Variants in RLF observed in about 807,000 individuals in gnomAD.
RLF encodes RLF zinc finger.
In RLF, 7 loss-of-function variants were observed where a neutral mutation model predicts 162.9. The ratio of observed to expected loss-of-function variants is 0.04; its 90% confidence interval spans 0.02 to 0.08. The LOEUF (loss-of-function observed/expected upper bound fraction) is 0.08. Ranked by LOEUF, RLF falls within the 10% of genes least tolerant of loss-of-function variation. The probability of loss-of-function intolerance (pLI) is 1.00; values close to 1 mark genes in which losing one functional copy is unlikely to be tolerated. For missense variants in RLF, 1,664 were observed against 2,244.7 expected (o/e 0.74, Z 5.23); for synonymous variants, 782 against 791.5 (o/e 0.99, Z 0.20).
Position 40,238,523 on chromosome 1 carries a change from C to T in RLF, c.3821C>T (p.Pro1274Leu). Residue 1274 changes from proline to leucine, a missense_variant, in exon 8 of 8, where the codon CCA (proline) becomes CTA (leucine). Pro to Leu is a moderately conservative substitution (Grantham distance 98). Around this residue, in one of 15 missense-constraint regions of RLF, gnomAD observed 102 missense variants for 109.5 expected, o/e 0.93. Coordinates refer to ENST00000372771, the MANE Select transcript of RLF (RefSeq NM_012421.4). This position sits in a 1 kb window ranked among gnomAD's most constrained non-coding sequence, Gnocchi z 5.2. The part of the protein sequence containing the change: ...TESKTSDISS[P>L]IGSHREEQEG... ...AGTAAAACATCTGACATTTCATCAC[C>T]AATAGGCAGCCATAGAGAAGAACAA... 1.2e-6 allele frequency: 2 copies of T among 1,613,774 alleles called. No homozygotes were observed. The highest frequency in any genetic ancestry group is 2.2e-5 in the South Asian group (2 of 91,076).
At chr1:40,170,676 C>T (rs1266970786) in intron 1 of RLF, among the ~76,000 whole-genome samples, 1 of 151,978 alleles carries the variant, frequency 6.6e-6, no homozygotes, top group Admixed American at 6.6e-5. Flanking sequence ...CTGACTCTGA[C>T]TGAGCTTTTT....
intron 5 of RLF, among the ~76,000 whole-genome samples, chr1:40,215,767 A>G (rs1477771742): frequency 6.6e-6 from 1 of 152,088 alleles, no homozygotes; most frequent in African/African-American, 2.4e-5. Flanking sequence ...TTTGAGATGA[A>G]TGATGAAACA....
At chr1:40,184,647 A>G (rs1444127296) in intron 1 of RLF, among the ~76,000 whole-genome samples, 1 of 152,180 alleles carries the variant, frequency 6.6e-6, no homozygotes, top group Non-Finnish European at 1.5e-5. Flanking sequence ...TTTGAGGGTA[A>G]TCTGCTTGGG....
chr1:40,181,233 C>T (rs1187396606), intron 1 of RLF, among the ~76,000 whole-genome samples: 1 of 152,044 alleles, frequency 6.6e-6, no homozygotes, highest in Non-Finnish European at 1.5e-5. Flanking sequence ...AGTTTGAGAC[C>T]AGCCTGGCCA....
intron 5 of RLF, among the ~76,000 whole-genome samples, chr1:40,209,895 G>A (rs993133341): frequency 6.7e-6 from 1 of 150,348 alleles, no homozygotes; most frequent in Admixed American, 6.6e-5. Flanking sequence ...AAAAAAAAAG[G>A]CGATCATAAG....
rs1049018348 is a variant in RLF, at chr1:40,225,879, A to C, written c.947+3169A>C. Among the ~76,000 whole-genome samples the C allele has an allele frequency of 4.4e-3, 465 of 105,012 alleles. 1 individual carries two copies. Among genetic ancestry groups the C allele is most frequent in the African/African-American group, 0.016 (403 of 24,596 alleles). 68.9% of individuals were successfully genotyped at this position (105,012 alleles called of 152,430 possible). A position where few individuals can be genotyped will look rare whatever the true frequency, so the allele number is the denominator to read the frequency against. On this transcript the variant is annotated intron_variant, in intron 6 of 7. Transcript: ENST00000372771. ...GGGTGACAGAGCGAGACTCCGTCGC[A>C]AAAAAAAAAAAAAAAAAAAAAAAAA... is the stretch of plus-strand genomic sequence containing the variant.
In RLF at chr1:40,236,557, T is replaced by C. The variant is rs752579325; in HGVS notation, c.1855T>C (p.Leu619=). 3 of 1,613,882 alleles carry C rather than the reference T, an allele frequency of 1.9e-6. No individual in the cohort carries two copies. The African/African-American group carries it at 4.0e-5, about 22-fold the overall frequency. The change falls in exon 8 of 8, where the codon TTA becomes CTA. Residue 619 remains leucine, a synonymous_variant. Transcript: ENST00000372771. The surrounding 1 kb of genome is among the most constrained non-coding windows in gnomAD (Gnocchi z 7.7). ...PSRRDRSKKK[L]LLKGSQKGIC... ...CAGAAGGGACCGCTCTAAAAAGAAATTACTGTTAAAAGGCTCTCAAAAGGG... is the reference window on the plus strand; with the variant it reads ...CAGAAGGGACCGCTCTAAAAAGAAACTACTGTTAAAAGGCTCTCAAAAGGG...
chr1:40,234,895 A>G (rs1006289623), intron 7 of RLF, among the ~76,000 whole-genome samples: 2 of 152,186 alleles, frequency 1.3e-5, no homozygotes, highest in Non-Finnish European at 2.9e-5. Flanking sequence ...ACCTGCTGCC[A>G]TAGCAAGATT....
intron 1 of RLF, among the ~76,000 whole-genome samples, chr1:40,186,974 T>G (rs1642489886): frequency 6.6e-6 from 1 of 152,132 alleles, no homozygotes; most frequent in Non-Finnish European, 1.5e-5. Context: ...GTAAGTAACT[T>G]ACTGACCTAA....
In RLF at chr1:40,202,567, A is replaced by G. The variant is rs148023895; in HGVS notation, c.763A>G (p.Ile255Val). The change falls in exon 5 of 8, where the codon ATC (isoleucine) becomes GTC (valine). Residue 255 changes from isoleucine (I) to valine (V), a missense_variant. Ile to Val is a conservative substitution (Grantham distance 29). Around this residue, in one of 15 missense-constraint regions of RLF, gnomAD observed 287 missense variants for 404.9 expected, o/e 0.71. Coordinates refer to ENST00000372771, the MANE Select transcript of RLF (RefSeq NM_012421.4). Reference protein sequence around the residue: ...SNVSSFQQAYITCLCSMLPNE... With the variant: ...SNVSSFQQAYVTCLCSMLPNE... ...TGTGTCATCTTTTCAGCAAGCCTATATCACATGTTTATGTTCTATGCTCCC... is the reference window on the plus strand; with the variant it reads ...TGTGTCATCTTTTCAGCAAGCCTATGTCACATGTTTATGTTCTATGCTCCC... 7.4e-4 allele frequency: 1,155 copies of G among 1,562,756 alleles called. 1 individual carries two copies. The highest frequency in any genetic ancestry group is 8.1e-4 in the Non-Finnish European group (942 of 1,165,150).
At chr1:40,164,839 G>A (rs1426184197) in intron 1 of RLF, among the ~76,000 whole-genome samples, 1 of 152,050 alleles carries the variant, frequency 6.6e-6, no homozygotes, top group African/African-American at 2.4e-5. Context: ...GTTTATATGA[G>A]ACACTTTTAG....
chr1:40,180,407 C>T (rs1001726378), intron 1 of RLF, among the ~76,000 whole-genome samples: 5 of 152,116 alleles, frequency 3.3e-5, no homozygotes, highest in Middle Eastern at 3.4e-3. Flanking sequence ...TATAGGCGCC[C>T]GCCACCACGC....
chr1:40,228,581 C>CAA (rs202055225), intron 6 of RLF, among the ~76,000 whole-genome samples: 18 of 135,562 alleles, frequency 1.3e-4, no homozygotes, highest in African/African-American at 1.9e-4. Flanking sequence ...GACTCCATCT[C>CAA]AAAAAAAAAA....
chr1:40,187,910 G>A (rs1267446724), intron 1 of RLF, among the ~76,000 whole-genome samples: 2 of 152,038 alleles, frequency 1.3e-5, no homozygotes, highest in Non-Finnish European at 2.9e-5. Context: ...ATTATTCTAG[G>A]GTAATGAATT....
Position 40,238,766 on chromosome 1 carries a change from T to A in RLF, c.4064T>A (p.Leu1355His). Residue 1355 changes from leucine (L) to histidine (H), a missense_variant, in exon 8 of 8, where the codon CTT (leucine) becomes CAT (histidine). Leu to His is a moderately conservative substitution (Grantham distance 99, BLOSUM62 -3). This residue lies in a region of RLF where 200 missense variants were observed against 207.3 expected (regional missense o/e 0.96). Transcript: ENST00000372771. The surrounding 1 kb of genome is among the most constrained non-coding windows in gnomAD (Gnocchi z 5.2). Reference sequence around the variant, plus strand: ...GACAAAGCAAGAACCAAAAGGGAACTTGTCAAATGTAAAAAGATATTTGCT... The same window carrying A: ...GACAAAGCAAGAACCAAAAGGGAACATGTCAAATGTAAAAAGATATTTGCT... The part of the protein sequence containing the change: ...EKDKARTKRE[L>H]VKCKKIFACK... 1 of 1,613,190 alleles carries A rather than the reference T, an allele frequency of 6.2e-7. No individual in the cohort carries two copies. Among genetic ancestry groups the A allele is most frequent in the Non-Finnish European group, 8.5e-7 (1 of 1,179,652 alleles).
At position 40,191,612 on chromosome 1, in the gene RLF, G is replaced by A. The variant is rs145104752; in HGVS notation, c.474+759G>A. On this transcript the variant is annotated intron_variant, in intron 3 of 7. Coordinates refer to ENST00000372771, the MANE Select transcript of RLF (RefSeq NM_012421.4). Reference sequence around the variant, plus strand: ...CATACCTATAGTCCCAGCTACTCAGGAGGCTGAGGCAAGAGAATCTCTTAA... The same window carrying A: ...CATACCTATAGTCCCAGCTACTCAGAAGGCTGAGGCAAGAGAATCTCTTAA... Among the ~76,000 whole-genome samples, 562 of 152,126 alleles carry A rather than the reference G, an allele frequency of 3.7e-3. 2 individuals carry two copies. Among genetic ancestry groups the A allele is most frequent in the Admixed American group, 7.4e-3 (113 of 15,278 alleles).
intron 7 of RLF, among the ~76,000 whole-genome samples, 182 bp downstream of exon 7, chr1:40,231,840 T>C (rs921771997): frequency 6.6e-6 from 1 of 152,168 alleles, no homozygotes; most frequent in African/African-American, 2.4e-5. Context: ...CAGAAACAAA[T>C]TGATGGTCAA....
intron 1 of RLF, among the ~76,000 whole-genome samples, chr1:40,186,021 G>A (rs1349390393): frequency 6.6e-6 from 1 of 152,016 alleles, no homozygotes; most frequent in South Asian, 2.1e-4. Flanking sequence ...ACCGAGCCTG[G>A]TGGCGCACAG....
At chr1:40,204,346 C>T (rs1428053357) in intron 5 of RLF, among the ~76,000 whole-genome samples, 1 of 151,874 alleles carries the variant, frequency 6.6e-6, no homozygotes, top group Non-Finnish European at 1.5e-5. Context: ...ACTTGTTTGA[C>T]TACCAGTATC....
Sources: gnomAD v4.1 joint callset for allele counts (sites outside exome capture counted in the v4.1 genomes callset) on GRCh38, gnomAD v4.1.1 for gene constraint, gnomAD v4.1.1 regional missense constraint, Gnocchi (gnomAD v3.1) non-coding constraint, MANE v1.5 for transcripts, NCBI Gene and HGNC (gene_info 2026-07-23, HGNC 2026-07-21) for gene names.